The following PPP1CB variants were observed in gnomAD, a reference collection of about 807,000 sequenced individuals.
PPP1CB encodes the protein serine/threonine-protein phosphatase PP1-beta catalytic subunit.
PPP1CB carries 2 observed loss-of-function variants against 43.7 expected under a neutral mutation model. The observed-to-expected ratio is 0.05, with a 90% CI of 0.02 to 0.14. The LOEUF is 0.14. Ranked by LOEUF, PPP1CB falls within the 10% of genes least tolerant of loss-of-function variation. PPP1CB has a pLI of 1.00. For synonymous variants in PPP1CB, 136 were observed against 135.6 expected, an observed-to-expected ratio of 1.00 and a Z score of -0.02; for missense variants, 84 against 398.0, an observed-to-expected ratio of 0.21 and a Z score of 6.71.
chr2:28,788,559 G>T, intron 5 of PPP1CB, 99 bp from the exon 6 acceptor site: 1 of 1,300,956 alleles, frequency 7.7e-7, no homozygotes, highest in Non-Finnish European at 1.1e-6. Context: ...TTAGTAAAAG[G>T]TAAGAGGGCA....
chr2:28,773,106 T>C (rs1379305032), intron 1 of PPP1CB, among the ~76,000 whole-genome samples: 3 of 152,226 alleles, frequency 2.0e-5, no homozygotes, highest in Non-Finnish European at 4.4e-5. Context: ...TTCTGTACCT[T>C]GATCTGGATG....
chr2:28,751,781 G>A (rs1252004531), upstream of PPP1CB: 8 of 392,278 alleles, frequency 2.0e-5, no homozygotes, highest in African/African-American at 1.3e-4. Context: ...AGGGACGTGC[G>A]GAGTGAGTGG....
intron 5 of PPP1CB, 51 bp from the exon 6 acceptor site, chr2:28,788,607 C>T (rs1024554616): frequency 6.4e-7 from 1 of 1,568,416 alleles, no homozygotes; most frequent in African/African-American, 1.4e-5. Context: ...GTGCTATATT[C>T]TATAAATCTG....
chr2:28,753,768 CTG>C (rs1472681928), intron 1 of PPP1CB, among the ~76,000 whole-genome samples: 19 of 152,214 alleles, frequency 1.2e-4, no homozygotes, highest in East Asian at 5.8e-4. Flanking sequence ...GAGTCTCACT[CTG>C]TCGCCCAGGC....
intron 1 of PPP1CB, among the ~76,000 whole-genome samples, chr2:28,763,689 G>A (rs1400919914): frequency 1.5e-5 from 2 of 137,092 alleles, no homozygotes; most frequent in Non-Finnish European, 3.3e-5. Flanking sequence ...GGCCATTTTG[G>A]TCTCTGAATC....
intron 1 of PPP1CB, among the ~76,000 whole-genome samples, chr2:28,770,059 A>G (rs1666870588): frequency 6.6e-6 from 1 of 152,146 alleles, no homozygotes; most frequent in East Asian, 1.9e-4. Flanking sequence ...ACTTGAGGTC[A>G]GGAGTTCAAG....
At chr2:28,791,318 G>GTTT (rs1410466399) in intron 6 of PPP1CB, among the ~76,000 whole-genome samples, 1 of 151,184 alleles carries the variant, frequency 6.6e-6, no homozygotes, top group South Asian at 2.1e-4. Flanking sequence ...TGGCAAAGTA[G>GTTT]TTTTTTGTTG....
intron 1 of PPP1CB, among the ~76,000 whole-genome samples, chr2:28,768,308 G>C (rs1325366704): frequency 1.3e-5 from 2 of 152,174 alleles, no homozygotes; most frequent in Non-Finnish European, 2.9e-5. Context: ...AGGAAGAAAG[G>C]TGGAAGTTTG....
At chr2:28,754,269 T>C (rs1394826701) in intron 1 of PPP1CB, among the ~76,000 whole-genome samples, 1 of 147,976 alleles carries the variant, frequency 6.8e-6, no homozygotes, top group Non-Finnish European at 1.5e-5. Flanking sequence ...GGGGGAAAAA[T>C]AAGTGATTCC....
chr2:28,789,724 G>A (rs2148057506), intron 6 of PPP1CB, among the ~76,000 whole-genome samples: 1 of 150,274 alleles, frequency 6.7e-6, no homozygotes, highest in East Asian at 2.0e-4. Flanking sequence ...TCAGCCTCCG[G>A]AGCAGCTGGG....
At chr2:28,771,529 A>G (rs1666913855) in intron 1 of PPP1CB, among the ~76,000 whole-genome samples, 1 of 152,212 alleles carries the variant, frequency 6.6e-6, no homozygotes, top group Admixed American at 6.5e-5. Flanking sequence ...ATTGATGCAA[A>G]AATAGACAAA....
intron 6 of PPP1CB, among the ~76,000 whole-genome samples, chr2:28,790,456 C>T (rs1288575687): frequency 1.3e-5 from 2 of 152,074 alleles, no homozygotes; most frequent in Admixed American, 6.5e-5. Context: ...TCTCCTGCCT[C>T]AGCCTCCCGA....
intron 1 of PPP1CB, among the ~76,000 whole-genome samples, chr2:28,772,704 T>G (rs1427731566): frequency 2.0e-5 from 3 of 152,198 alleles, no homozygotes; most frequent in Non-Finnish European, 2.9e-5. Flanking sequence ...CCCCAAGTGT[T>G]TGGAATTTGG....
chr2:28,770,106 TA>T (rs1207710755), intron 1 of PPP1CB, among the ~76,000 whole-genome samples: 1 of 151,904 alleles, frequency 6.6e-6, no homozygotes, highest in Non-Finnish European at 1.5e-5. Context: ...CTATCTCTAC[TA>T]AAAATACAAA....
In PPP1CB at chr2:28,799,260, C is replaced by G; in HGVS notation, c.941C>G (p.Pro314Arg). ...YQYGGLNSGR[P>R]VTPPRTANPP... ...TATGGTGGACTGAATTCTGGACGTC[C>G]TGTCACTCCACCTCGAACAGCTAAT... The change falls in exon 8 of 8, where the codon CCT (proline) becomes CGT (arginine). Residue 314 changes from proline (P) to arginine (R), a missense_variant. Pro to Arg is a moderately radical substitution (Grantham distance 103). Around this residue, in one of 5 missense-constraint regions of PPP1CB, gnomAD observed 14 missense variants for 30.9 expected, o/e 0.45. Coordinates refer to ENST00000395366, the MANE Select transcript of PPP1CB (RefSeq NM_002709.3). 6.2e-7 allele frequency: 1 copy of G among 1,611,020 alleles called. No individual in the cohort carries two copies.
intron 1 of PPP1CB, among the ~76,000 whole-genome samples, chr2:28,765,192 ATTCTTTT>A (rs1423369089): frequency 6.6e-6 from 1 of 152,200 alleles, no homozygotes; most frequent in Non-Finnish European, 1.5e-5. Context: ...AAAGGACAGA[ATTCTTTT>A]GGGAGAGGAT....
intron 1 of PPP1CB, among the ~76,000 whole-genome samples, chr2:28,760,893 A>G (rs756829672): frequency 6.6e-6 from 1 of 152,152 alleles, no homozygotes; most frequent in Admixed American, 6.6e-5. Context: ...TAGCGAGACA[A>G]AAAGACCAGA....
Position 28,793,843 on chromosome 2 carries a change from T to A in PPP1CB, c.745-20T>A. The A allele has an allele frequency of 6.2e-7, 1 of 1,613,452 alleles. No homozygotes were observed. The highest frequency in any genetic ancestry group is 1.1e-5 in the South Asian group (1 of 91,024). On this transcript the variant is annotated intron_variant, in intron 6 of 7. Transcript: ENST00000395366. The stretch of plus-strand genomic sequence containing the variant: ...TTACCCACCAATAAATGTTTTTTCT[T>A]CTGACATTTCCTTTGACAGGTGGTG...
Position 28,801,612 on chromosome 2 carries a change from A to G in PPP1CB, c.*2309A>G, listed in dbSNP as rs1558314480. The G allele has an allele frequency of 6.6e-6, 1 of 152,196 alleles. No homozygotes were observed. The highest frequency in any genetic ancestry group is 1.5e-5 in the Non-Finnish European group (1 of 68,024). The allele number at this position is 152,196 out of a possible 1,614,324, so 9.4% of individuals were successfully genotyped here. A position where few individuals can be genotyped will look rare whatever the true frequency, so the allele number is the denominator to read the frequency against. Reference sequence around the variant, plus strand: ...GTTCTTTACAAATATTTGCTTGGCAACACGACTTGAAATAAATAAAACTTT... The same window carrying G: ...GTTCTTTACAAATATTTGCTTGGCAGCACGACTTGAAATAAATAAAACTTT... On this transcript the variant is annotated 3_prime_UTR_variant, in exon 8 of 8. Transcript: ENST00000395366.
Sources: allele counts gnomAD v4.1 joint callset (sites outside exome capture counted in the v4.1 genomes callset), GRCh38; gene constraint gnomAD v4.1.1; regional missense constraint gnomAD v4.1.1; transcripts MANE v1.5; gene names NCBI Gene and HGNC (gene_info 2026-07-23, HGNC 2026-07-21).